The following ACTN1 variants were observed in gnomAD, a reference collection of about 807,000 sequenced individuals.
ACTN1 encodes the protein alpha-actinin-1.
A neutral mutation model predicts 119.6 loss-of-function variants in ACTN1; 30 were observed. That is an observed-to-expected ratio of 0.25 (90% CI 0.19 to 0.34). The LOEUF is 0.34. Among genes scored for constraint, ACTN1 ranks in the 10% least tolerant of loss-of-function variants. The pLI, the probability that ACTN1 is intolerant of heterozygous loss-of-function variation, is 1.00. For missense variants in ACTN1, 764 were observed against 1,223.4 expected, an observed-to-expected ratio of 0.62 and a Z score of 5.60; for synonymous variants, 429 against 472.6, an observed-to-expected ratio of 0.91 and a Z score of 1.20.
intron 1 of ACTN1, among the ~76,000 whole-genome samples, chr14:68,946,171 A>G (rs1038601703): frequency 2.0e-5 from 3 of 151,988 alleles, no homozygotes; most frequent in Admixed American, 2.0e-4. Flanking sequence ...CTCCGCTCAC[A>G]GCCCACCAGC....
intron 1 of ACTN1, among the ~76,000 whole-genome samples, chr14:68,942,331 T>C (rs1446287790): frequency 6.6e-6 from 1 of 151,920 alleles, no homozygotes; most frequent in Non-Finnish European, 1.5e-5. Context: ...CAGTGAGCCA[T>C]AATCATACCA....
chr14:68,874,915 C>A lies in ACTN1; in HGVS notation c.2689G>T (p.Gly897Cys). The A allele has an allele frequency of 6.2e-7, 1 of 1,611,430 alleles. No homozygotes were observed. Among genetic ancestry groups the A allele is most frequent in the Non-Finnish European group, 8.5e-7 (1 of 1,178,070 alleles). ...GAGAAGGACATGTAGTCCAGAGCACCTGGCACGGAGTCGGGGCCGGTGTAG... is the reference window on the plus strand; with the variant it reads ...GAGAAGGACATGTAGTCCAGAGCACATGGCACGGAGTCGGGGCCGGTGTAG... ...APYTGPDSVP[G>C]ALDYMSFSTA... The change falls in exon 22 of 22, where the codon GGT becomes TGT. Residue 897 changes from glycine to cysteine, a missense_variant. This residue lies in a region of ACTN1 where 102 missense variants were observed against 78.2 expected (regional missense o/e 1.30). Coordinates refer to ENST00000394419, the MANE Select transcript of ACTN1 (RefSeq NM_001130004.2).
intron 1 of ACTN1, among the ~76,000 whole-genome samples, chr14:68,972,568 T>G (rs978055544): frequency 6.6e-6 from 1 of 152,260 alleles, no homozygotes; most frequent in African/African-American, 2.4e-5. Flanking sequence ...CGTATATTTG[T>G]GAGGTTGTGA....
At position 68,925,369 on chromosome 14, in the gene ACTN1, G is replaced by A. The variant is rs1184706628; in HGVS notation, c.220+189C>T. ...AACAAACAAGGATGCTGAAACAAATGTCCAAGGCACCTGGATGGCTGGCAG... is the reference window on the plus strand; with the variant it reads ...AACAAACAAGGATGCTGAAACAAATATCCAAGGCACCTGGATGGCTGGCAG... On this transcript the variant is annotated intron_variant, in intron 2 of 21. Coordinates refer to ENST00000394419, the MANE Select transcript of ACTN1 (RefSeq NM_001130004.2). The surrounding 1 kb of genome is among the most constrained non-coding windows in gnomAD (Gnocchi z 4.3). Among the ~76,000 whole-genome samples, 2 of 123,366 alleles carry A rather than the reference G, an allele frequency of 1.6e-5. No individual in the cohort carries two copies. The highest frequency in any genetic ancestry group is 3.2e-5 in the Non-Finnish European group (2 of 61,710). The allele number at this position is 123,366 out of a possible 152,430, so 80.9% of individuals were successfully genotyped here.
intron 1 of ACTN1, among the ~76,000 whole-genome samples, chr14:68,972,482 C>A (rs2036920846): frequency 6.6e-6 from 1 of 152,106 alleles, no homozygotes; most frequent in Admixed American, 6.5e-5. Flanking sequence ...TTAATAATTT[C>A]TTAGGTTTTT....
intron 7 of ACTN1, among the ~76,000 whole-genome samples, chr14:68,903,335 G>C (rs993414991): frequency 6.6e-6 from 1 of 152,172 alleles, no homozygotes. Context: ...TTGAGGCCAG[G>C]AGTTCGAGAC....
At chr14:68,887,681 G>C (rs2032130386) in intron 11 of ACTN1, 2 of 1,291,224 alleles carry the variant, frequency 1.5e-6, no homozygotes, top group African/African-American at 3.0e-5. Context: ...AATGTTTCTA[G>C]AGCTACTAAA....
chr14:68,914,698 G>C (rs775670255), intron 3 of ACTN1, among the ~76,000 whole-genome samples: 4 of 152,270 alleles, frequency 2.6e-5, no homozygotes, highest in Non-Finnish European at 4.4e-5. Context: ...GAGCCCAGGA[G>C]CTCAAGGTTG....
At chr14:68,927,849 C>T (rs2035010773) in intron 1 of ACTN1, among the ~76,000 whole-genome samples, 1 of 152,158 alleles carries the variant, frequency 6.6e-6, no homozygotes, top group Non-Finnish European at 1.5e-5. Context: ...CATTCTCTCC[C>T]AGCTGACACT....
At chr14:68,943,592 T>C (rs1439819918) in intron 1 of ACTN1, among the ~76,000 whole-genome samples, 1 of 152,046 alleles carries the variant, frequency 6.6e-6, no homozygotes, top group African/African-American at 2.4e-5. Context: ...ATGGGGACAC[T>C]GATGGCAACG....
chr14:68,909,525 A>G lies in ACTN1; in HGVS notation c.516-129T>C, dbSNP rs1458380394. The stretch of plus-strand genomic sequence containing the variant: ...TAGAGCTTTCTGGGGTAGGAGTTAG[A>G]AGACAGGATGGGAAGGGACATTTCT... On this transcript the variant is annotated intron_variant, in intron 5 of 21. Transcript: ENST00000394419. This position sits in a 1 kb window ranked among gnomAD's most constrained non-coding sequence, Gnocchi z 4.1. 9 of 807,174 alleles carry G rather than the reference A, an allele frequency of 1.1e-5. No individual in the cohort carries two copies. Among genetic ancestry groups the G allele is most frequent in the African/African-American group, 5.1e-5 (3 of 58,338 alleles). The allele number at this position is 807,174 out of a possible 1,614,324, so 50.0% of individuals were successfully genotyped here.
At chr14:68,884,490 A>C (rs1566596170) in intron 13 of ACTN1, among the ~76,000 whole-genome samples, 182 bp from the exon 14 acceptor site, 1 of 152,226 alleles carries the variant, frequency 6.6e-6, no homozygotes, top group Non-Finnish European at 1.5e-5. Flanking sequence ...CCTGGGTCCC[A>C]GAGTCTGGTG....
chr14:68,875,413 C>T (rs1334069421), intron 21 of ACTN1, among the ~76,000 whole-genome samples: 3 of 152,230 alleles, frequency 2.0e-5, no homozygotes, highest in East Asian at 1.9e-4. Flanking sequence ...GCTCTCTGGA[C>T]GCCTCGGACA....
At position 68,921,049 on chromosome 14, in the gene ACTN1, G is replaced by C. The variant is rs1264789261; in HGVS notation, c.297C>G (p.Phe99Leu). The C allele has an allele frequency of 2.5e-6, 4 of 1,614,198 alleles. No individual in the cohort carries two copies. The highest frequency in any genetic ancestry group is 3.4e-6 in the Non-Finnish European group (4 of 1,180,028). ...CCAGTTTGACGCCTTTGCTGGCTATGAAATCCAGGGCCTTGTTGACGTTGG... is the reference window on the plus strand; with the variant it reads ...CCAGTTTGACGCCTTTGCTGGCTATCAAATCCAGGGCCTTGTTGACGTTGG... ...KISNVNKALD[F>L]IASKGVKLVS... Residue 99 changes from phenylalanine (F) to leucine (L), a missense_variant, in exon 3 of 22, where the codon TTC becomes TTG. Phe to Leu is a conservative substitution (Grantham distance 22). Coordinates refer to ENST00000394419, the MANE Select transcript of ACTN1 (RefSeq NM_001130004.2).
intron 1 of ACTN1, among the ~76,000 whole-genome samples, chr14:68,953,811 C>G (rs187951527): frequency 1.3e-5 from 2 of 151,314 alleles, no homozygotes; most frequent in Non-Finnish European, 2.9e-5. Context: ...CACCTAAACC[C>G]AGGAGGTGGA....
chr14:68,942,929 G>T (rs1009381666), intron 1 of ACTN1, among the ~76,000 whole-genome samples: 1 of 152,110 alleles, frequency 6.6e-6, no homozygotes, highest in African/African-American at 2.4e-5. Context: ...GCCTTGCATG[G>T]CCCCGAGATG....
Position 68,879,029 on chromosome 14 carries a change from C to T in ACTN1, c.2321G>A (p.Cys774Tyr), listed in dbSNP as rs1486610432. The T allele has an allele frequency of 6.2e-7, 1 of 1,613,308 alleles. No homozygotes were observed. Among genetic ancestry groups the T allele is most frequent in the Non-Finnish European group, 8.5e-7 (1 of 1,179,840 alleles). ...GTLGPEEFKA[C>Y]LISLGYDIGN... ...AATATCATAACCCAAGCTGATGAGG[C>T]AGGCTTTGAACTCCTCGGGACCCAG... The change falls in exon 19 of 22, where the codon TGC becomes TAC. Residue 774 changes from cysteine (C) to tyrosine (Y), a missense_variant. Cys to Tyr is a radical substitution (Grantham distance 194, BLOSUM62 -2). Transcript: ENST00000394419. The surrounding 1 kb of genome is among the most constrained non-coding windows in gnomAD (Gnocchi z 4.9).
At chr14:68,933,477 C>T (rs959355170) in intron 1 of ACTN1, among the ~76,000 whole-genome samples, 1 of 152,046 alleles carries the variant, frequency 6.6e-6, no homozygotes, top group African/African-American at 2.4e-5. Flanking sequence ...AACAGTGGCC[C>T]TCTTGGGCTA....
intron 8 of ACTN1, among the ~76,000 whole-genome samples, chr14:68,902,088 G>A (rs1312383309): frequency 6.6e-6 from 1 of 152,234 alleles, no homozygotes; most frequent in African/African-American, 2.4e-5. Context: ...GCCCTTCTAA[G>A]GGAGCTCCAG....
Sources: allele counts gnomAD v4.1 joint callset (sites outside exome capture counted in the v4.1 genomes callset), GRCh38; gene constraint gnomAD v4.1.1; regional missense constraint gnomAD v4.1.1; non-coding constraint Gnocchi (gnomAD v3.1); transcripts MANE v1.5; gene names NCBI Gene and HGNC (gene_info 2026-07-23, HGNC 2026-07-21).